The following TUSC3 variants were observed in gnomAD, a reference collection of about 807,000 sequenced individuals.
The protein encoded by TUSC3 is dolichyl-diphosphooligosaccharide--protein glycosyltransferase subunit TUSC3.
TUSC3 carries 45 observed loss-of-function variants against 44.8 expected under a neutral mutation model. The observed-to-expected ratio is 1.00, with a 90% CI of 0.79 to 1.29. The LOEUF (loss-of-function observed/expected upper bound fraction) is 1.29. Ranked by LOEUF, TUSC3 falls within the 50% of genes most tolerant of loss-of-function variation. The pLI is 0.00. For synonymous variants in TUSC3, 212 were observed against 152.9 expected (o/e 1.39, Z -2.85); for missense variants, 519 against 437.9 (o/e 1.19, Z -1.65).
At chr8:15,815,276 G>T in the TUSC3 span, among the ~76,000 whole-genome samples, 1 of 152,044 alleles carries the variant, frequency 6.6e-6, no homozygotes, top group South Asian at 2.1e-4. Context: ...AATGGGAAGA[G>T]CAGGAACAAA....
the TUSC3 span, among the ~76,000 whole-genome samples, chr8:15,796,168 A>C: frequency 6.6e-6 from 1 of 152,160 alleles, no homozygotes; most frequent in Non-Finnish European, 1.5e-5. Context: ...TGGATATGTT[A>C]GCATGCCTGA....
chr8:15,636,654 G>A (rs1465075803), intron 2 of TUSC3, among the ~76,000 whole-genome samples: 1 of 152,192 alleles, frequency 6.6e-6, no homozygotes, highest in Admixed American at 6.5e-5. Flanking sequence ...AAGATACGGG[G>A]TGTGGTTTGC....
At position 15,766,623 on chromosome 8, in the gene TUSC3, A is replaced by G. The variant is rs954612064; in HGVS notation, c.*2467A>G. 6.6e-6 allele frequency: 1 copy of G among 152,102 alleles called. No homozygotes were observed. Among genetic ancestry groups the G allele is most frequent in the Admixed American group, 6.6e-5 (1 of 15,244 alleles). The allele number at this position is 152,102 out of a possible 1,614,324, so 9.4% of individuals were successfully genotyped here. A position where few individuals can be genotyped will look rare whatever the true frequency, so the allele number is the denominator to read the frequency against. On this transcript the variant is annotated 3_prime_UTR_variant, in exon 11 of 11. Coordinates refer to ENST00000503731, the MANE Select transcript of TUSC3 (RefSeq NM_006765.4). ...CTTAACATACTGTTCCTGGCATTAGATATTCACATGAGTAAGCCCAGTAGC... is the reference window on the plus strand; with the variant it reads ...CTTAACATACTGTTCCTGGCATTAGGTATTCACATGAGTAAGCCCAGTAGC...
At chr8:15,642,154 A>G (rs1018368394) in intron 2 of TUSC3, among the ~76,000 whole-genome samples, 1 of 152,190 alleles carries the variant, frequency 6.6e-6, no homozygotes, top group Admixed American at 6.5e-5. Flanking sequence ...TGTTTGGAAC[A>G]ATATTACTGG....
intron 1 of TUSC3, among the ~76,000 whole-genome samples, chr8:15,598,819 C>T (rs527304455): frequency 6.6e-6 from 1 of 151,470 alleles, no homozygotes; most frequent in African/African-American, 2.4e-5. Flanking sequence ...CTGGATGTAC[C>T]AGTTTATTTA....
intron 1 of TUSC3, among the ~76,000 whole-genome samples, chr8:15,462,699 T>G (rs1800361260): frequency 6.6e-6 from 1 of 152,140 alleles, no homozygotes; most frequent in African/African-American, 2.4e-5. Flanking sequence ...TCTATTATAC[T>G]CCTATGTGGT....
chr8:15,533,100 A>G (rs1801472734), intron 2 of TUSC3, among the ~76,000 whole-genome samples: 1 of 152,070 alleles, frequency 6.6e-6, no homozygotes, highest in Non-Finnish European at 1.5e-5. Flanking sequence ...CCGATTTGAT[A>G]GTTTTAAAAA....
intron 1 of TUSC3, among the ~76,000 whole-genome samples, chr8:15,572,602 T>A (rs1802919452): frequency 6.6e-6 from 1 of 152,192 alleles, no homozygotes; most frequent in African/African-American, 2.4e-5. Context: ...GAGGTGTAGC[T>A]TTTGGCCTAT....
At chr8:15,805,611 G>C in the TUSC3 span, among the ~76,000 whole-genome samples, 17 of 152,208 alleles carry the variant, frequency 1.1e-4, no homozygotes, top group East Asian at 3.3e-3. Flanking sequence ...TTTCAGTTCT[G>C]TTTATGTGAC....
intron 1 of TUSC3, among the ~76,000 whole-genome samples, chr8:15,591,320 G>T (rs1190474042): frequency 7.2e-6 from 1 of 139,258 alleles, no homozygotes; most frequent in South Asian, 2.4e-4. Context: ...CTACATTTAT[G>T]TATTTAAAAA....
chr8:15,617,593 A>G (rs78254064), intron 1 of TUSC3, among the ~76,000 whole-genome samples: 4 of 152,280 alleles, frequency 2.6e-5, no homozygotes, highest in East Asian at 1.9e-4. Flanking sequence ...TTGTTCAACT[A>G]TGGTGTACTC....
intron 2 of TUSC3, among the ~76,000 whole-genome samples, chr8:15,650,302 TATTTA>T (rs1299421521): frequency 1.3e-5 from 2 of 152,246 alleles, no homozygotes; most frequent in African/African-American, 2.4e-5. Context: ...ATTATTGGAA[TATTTA>T]ATTTATGTGT....
At chr8:15,608,168 C>G (rs1804614373) in intron 1 of TUSC3, among the ~76,000 whole-genome samples, 2 of 152,140 alleles carry the variant, frequency 1.3e-5, no homozygotes, top group African/African-American at 4.8e-5. Context: ...TTTTGATTCA[C>G]CTCTTGGCTG....
chr8:15,584,064 C>G (rs867293221), intron 1 of TUSC3, among the ~76,000 whole-genome samples: 2 of 151,190 alleles, frequency 1.3e-5, no homozygotes, highest in Non-Finnish European at 2.9e-5. Context: ...TAATCAAACA[C>G]AGCAGCTTAA....
intron 1 of TUSC3, among the ~76,000 whole-genome samples, chr8:15,614,951 AAC>A (rs1295766278): frequency 5.0e-4 from 73 of 145,946 alleles, no homozygotes; most frequent in Middle Eastern, 3.5e-3. Context: ...AAAAAAAAAA[AAC>A]CACCCCAAAA....
chr8:15,632,162 T>A (rs146454283), intron 2 of TUSC3, among the ~76,000 whole-genome samples: 26 of 152,334 alleles, frequency 1.7e-4, no homozygotes, highest in Non-Finnish European at 1.6e-4. Context: ...CCATGTGAGA[T>A]CCATTTGAGG....
Position 15,444,531 on chromosome 8 carries a change from G to T in TUSC3, n.91+27226G>T, listed in dbSNP as rs546033436. On this transcript the variant is annotated intron_variant and non_coding_transcript_variant, in intron 1 of 5. Transcript: ENST00000503191. The stretch of plus-strand genomic sequence containing the variant: ...GAGACATTACCTGGGGATGGTGGAA[G>T]ATGACGAACCTGATCAGATAGGGAG... 1.4e-4 allele frequency among the ~76,000 whole-genome samples: 22 copies of T among 152,304 alleles called. 1 individual carries two copies. The highest frequency in any genetic ancestry group is 4.3e-4 in the African/African-American group (18 of 41,572).
Position 15,706,167 on chromosome 8 carries a change from A to G in TUSC3, c.799-24499A>G, listed in dbSNP as rs559005504. ...TTATAATATTGCATACTGTTTCCCT[A>G]AATTTTCAGTAAATAATAAATTACT... is the stretch of plus-strand genomic sequence containing the variant. On this transcript the variant is annotated intron_variant, in intron 6 of 10. Coordinates refer to ENST00000503731, the MANE Select transcript of TUSC3 (RefSeq NM_006765.4). Among the ~76,000 whole-genome samples the G allele has an allele frequency of 1.1e-4, 17 of 152,088 alleles. No homozygotes were observed. In the South Asian group the frequency reaches 3.5e-3, roughly 32 times the overall value.
chr8:15,629,033 G>C (rs925407693), intron 2 of TUSC3, among the ~76,000 whole-genome samples: 2 of 152,206 alleles, frequency 1.3e-5, no homozygotes, highest in African/African-American at 4.8e-5. Context: ...GTAGAAGTAG[G>C]ATAGGGTTGA....
Sources: allele counts gnomAD v4.1 joint callset (sites outside exome capture counted in the v4.1 genomes callset), GRCh38; gene constraint gnomAD v4.1.1; transcripts MANE v1.5; gene names NCBI Gene and HGNC (gene_info 2026-07-23, HGNC 2026-07-21).